The following PTPRD variants were observed in gnomAD, a reference collection of about 807,000 sequenced individuals.
PTPRD encodes protein tyrosine phosphatase receptor type D, also known as receptor-type tyrosine-protein phosphatase delta.
In PTPRD, 34 loss-of-function variants were observed where a neutral mutation model predicts 214.5. The observed-to-expected ratio is 0.16, with a 90% CI of 0.12 to 0.21. The LOEUF (loss-of-function observed/expected upper bound fraction) is 0.21, where lower values mean the gene tolerates loss of function less well. PTPRD is among the 10% of genes least tolerant of loss of function. The pLI is 1.00. For missense variants in PTPRD, 2,545 were observed against 2,398.7 expected (o/e 1.06, Z -1.27); for synonymous variants, 1,128 against 845.7 (o/e 1.33, Z -5.79).
At chr9:9,484,155 A>G in intron 8 of PTPRD, among the ~76,000 whole-genome samples, 1 of 152,156 alleles carries the variant, frequency 6.6e-6, no homozygotes, top group Admixed American at 6.5e-5. Context: ...TAATAGGAAA[A>G]TAAAAATTTT....
intron 3 of PTPRD, among the ~76,000 whole-genome samples, chr9:10,217,784 T>A (rs540171822): frequency 6.6e-6 from 1 of 151,894 alleles, no homozygotes; most frequent in South Asian, 2.1e-4. Context: ...CCAACATAGA[T>A]CTCCATTTAG....
rs371590595 is a variant in PTPRD at position 8,884,982 on chromosome 9, G to A, written c.-104+133715C>T. On this transcript the variant is annotated intron_variant, in intron 11 of 45. Transcript: ENST00000381196. ...TGTAAAGCTCATGACCATCAGTGAGGGGGAATACAACGTAGAAATTTAGTG... is the reference window on the plus strand; with the variant it reads ...TGTAAAGCTCATGACCATCAGTGAGAGGGAATACAACGTAGAAATTTAGTG... Among the ~76,000 whole-genome samples, 19 of 152,252 alleles carry A rather than the reference G, an allele frequency of 1.2e-4. No individual in the cohort carries two copies. The East Asian group carries it at 3.1e-3, about 25-fold the overall frequency.
At chr9:9,564,238 G>T (rs1241584963) in intron 8 of PTPRD, among the ~76,000 whole-genome samples, 1 of 152,074 alleles carries the variant, frequency 6.6e-6, no homozygotes, top group Non-Finnish European at 1.5e-5. Flanking sequence ...GCTCACAGAT[G>T]TGCAAAAGAA....
intron 14 of PTPRD, among the ~76,000 whole-genome samples, chr9:8,542,545 A>AGTCAT (rs2078743636): frequency 6.6e-6 from 1 of 152,218 alleles, no homozygotes; most frequent in South Asian, 2.1e-4. Context: ...ATATGTTTTC[A>AGTCAT]GTCATGTCTT....
chr9:10,501,142 T>C (rs4279658), intron 2 of PTPRD, among the ~76,000 whole-genome samples: 58,272 of 151,876 alleles, frequency 0.38, 11,861 homozygotes, highest in Middle Eastern at 0.48. Flanking sequence ...GTTGTACTAA[T>C]TTACATTCCC....
chr9:10,168,065 G>C (rs117110159), intron 3 of PTPRD, among the ~76,000 whole-genome samples: 2,639 of 152,254 alleles, frequency 0.017, 29 homozygotes, highest in Middle Eastern at 0.027. Flanking sequence ...TTTCCTTGAA[G>C]CTATATTTTA....
Position 9,495,745 on chromosome 9 carries a change from G to A in PTPRD, c.-237+78987C>T, listed in dbSNP as rs114589027. The stretch of plus-strand genomic sequence containing the variant: ...TGTGACCTCATTCTTCTTGGATGCT[G>A]GACAAGAGCTCAGGACCCATTGAGT... On this transcript the variant is annotated intron_variant, in intron 8 of 45. Transcript: ENST00000381196. Among the ~76,000 whole-genome samples, 587 of 152,234 alleles carry A rather than the reference G, an allele frequency of 3.9e-3. 1 individual carries two copies. The highest frequency in any genetic ancestry group is 0.013 in the African/African-American group (551 of 41,544).
chr9:9,657,257 G>A (rs184074973), intron 7 of PTPRD, among the ~76,000 whole-genome samples: 72 of 151,788 alleles, frequency 4.7e-4, no homozygotes, highest in African/African-American at 1.5e-3. Flanking sequence ...AAGATACACC[G>A]TGAAATACTA....
chr9:9,638,566 C>T (rs1306245408), intron 7 of PTPRD, among the ~76,000 whole-genome samples: 1 of 152,182 alleles, frequency 6.6e-6, no homozygotes, highest in Non-Finnish European at 1.5e-5. Context: ...TCTGAGCCCT[C>T]ACCTGAATCA....
intron 2 of PTPRD, among the ~76,000 whole-genome samples, chr9:10,514,928 A>G (rs941689365): frequency 2.6e-5 from 4 of 152,056 alleles, no homozygotes; most frequent in African/African-American, 9.7e-5. Flanking sequence ...CAGGGTAAAA[A>G]GATGGATTAA....
intron 2 of PTPRD, among the ~76,000 whole-genome samples, chr9:10,348,568 T>A (rs956913620): frequency 1.3e-5 from 2 of 152,174 alleles, no homozygotes; most frequent in Non-Finnish European, 2.9e-5. Context: ...ATAAAACTTG[T>A]CTTCTCTGTA....
chr9:10,086,941 T>G (rs1312400601), intron 3 of PTPRD, among the ~76,000 whole-genome samples: 1 of 151,786 alleles, frequency 6.6e-6, no homozygotes, highest in African/African-American at 2.4e-5. Flanking sequence ...TCTCCACTTT[T>G]AGGAAATATT....
chr9:9,737,143 GA>G (rs1231619657), intron 6 of PTPRD, among the ~76,000 whole-genome samples: 1 of 151,958 alleles, frequency 6.6e-6, no homozygotes, highest in Non-Finnish European at 1.5e-5. Flanking sequence ...AAAATTTATT[GA>G]AAATATGACA....
chr9:9,838,554 G>A (rs1224692292), intron 5 of PTPRD, among the ~76,000 whole-genome samples: 6 of 152,098 alleles, frequency 3.9e-5, no homozygotes, highest in Non-Finnish European at 4.4e-5. Flanking sequence ...TTTTTTGGCT[G>A]CATAAATGTC....
rs145464581 is a variant in PTPRD, at chr9:8,337,007, A to G, written c.5379+1915T>C. ...GCTTTTACACTGTTGGTGGGTGTGT[A>G]AATTAGTTAAACCACTGTGGAAGAC... is the stretch of plus-strand genomic sequence containing the variant. On this transcript the variant is annotated intron_variant, in intron 43 of 45. Coordinates refer to ENST00000381196, the MANE Select transcript of PTPRD (RefSeq NM_002839.4). Among the ~76,000 whole-genome samples, 30 of 152,316 alleles carry G rather than the reference A, an allele frequency of 2.0e-4. No homozygotes were observed. In the East Asian group the frequency reaches 5.6e-3, roughly 28 times the overall value.
intron 11 of PTPRD, among the ~76,000 whole-genome samples, chr9:8,940,537 C>T (rs1279564513): frequency 6.8e-6 from 1 of 147,490 alleles, no homozygotes; most frequent in Non-Finnish European, 1.5e-5. Context: ...AGGTGATCCA[C>T]CTGCCCTTGG....
chr9:8,332,197 C>G (rs1194614674), intron 43 of PTPRD, among the ~76,000 whole-genome samples: 3 of 152,144 alleles, frequency 2.0e-5, no homozygotes, highest in East Asian at 3.9e-4. Flanking sequence ...GCATGTCATC[C>G]AGACCAGAGC....
intron 5 of PTPRD, among the ~76,000 whole-genome samples, chr9:9,783,996 T>C (rs867786494): frequency 3.3e-5 from 5 of 151,886 alleles, no homozygotes; most frequent in South Asian, 2.1e-4. Flanking sequence ...TCTTGGTGAG[T>C]CATGATAAAG....
At chr9:9,983,183 A>G (rs1181564531) in intron 4 of PTPRD, among the ~76,000 whole-genome samples, 1 of 152,198 alleles carries the variant, frequency 6.6e-6, no homozygotes, top group African/African-American at 2.4e-5. Flanking sequence ...ACTGGGAAAG[A>G]GGACCTTGAT....
Sources: allele counts gnomAD v4.1 joint callset (sites outside exome capture counted in the v4.1 genomes callset), GRCh38; gene constraint gnomAD v4.1.1; transcripts MANE v1.5; gene names NCBI Gene and HGNC (gene_info 2026-07-23, HGNC 2026-07-21).